The following COLEC10 variants were observed in gnomAD, a reference collection of about 807,000 sequenced individuals.
COLEC10 encodes the protein collectin subfamily member 10, also known as collectin-10.
A neutral mutation model predicts 28.4 loss-of-function variants in COLEC10; 22 were observed. The observed-to-expected ratio is 0.78, with a 90% CI of 0.55 to 1.11. The LOEUF is 1.11. Ranked by LOEUF, COLEC10 falls within the 50% of genes least tolerant of loss-of-function variation. The probability of loss-of-function intolerance (pLI) is 0.00; values close to 1 mark genes in which losing one functional copy is unlikely to be tolerated. For missense variants in COLEC10, 361 were observed against 344.1 expected, an observed-to-expected ratio of 1.05 and a Z score of -0.39; for synonymous variants, 125 against 116.1, an observed-to-expected ratio of 1.08 and a Z score of -0.49.
the COLEC10 span, among the ~76,000 whole-genome samples, chr8:118,963,527 G>A: frequency 1.3e-3 from 194 of 152,188 alleles, no homozygotes; most frequent in African/African-American, 4.4e-3. Flanking sequence ...ATCATCTAAC[G>A]TGAAATATCC....
At chr8:119,104,824 C>T (rs746700231) in intron 5 of COLEC10, among the ~76,000 whole-genome samples, 1 of 152,074 alleles carries the variant, frequency 6.6e-6, no homozygotes, top group African/African-American at 2.4e-5. Context: ...ATGAATAAGC[C>T]AGATCATACA....
At chr8:119,018,563 T>C (rs1484216520) in intron 2 of COLEC10, among the ~76,000 whole-genome samples, 1 of 152,220 alleles carries the variant, frequency 6.6e-6, no homozygotes, top group African/African-American at 2.4e-5. Context: ...CTTTTGCCAA[T>C]GGAAATCCTA....
Position 119,089,765 on chromosome 8 carries a change from T to C in COLEC10, c.220+14T>C, listed in dbSNP as rs1275728848. 2 of 1,602,046 alleles carry C rather than the reference T, an allele frequency of 1.2e-6. No homozygotes were observed. Among genetic ancestry groups the C allele is most frequent in the Non-Finnish European group, 1.7e-6 (2 of 1,169,434 alleles). On this transcript the variant is annotated intron_variant, in intron 2 of 5. Coordinates refer to ENST00000332843, the MANE Select transcript of COLEC10 (RefSeq NM_006438.5). ...TGGGGCCGAAAGGTAACTAAAATGATGTGAAACTGACATTTTAATATCATA... is the reference window on the plus strand; with the variant it reads ...TGGGGCCGAAAGGTAACTAAAATGACGTGAAACTGACATTTTAATATCATA...
intron 2 of COLEC10, among the ~76,000 whole-genome samples, chr8:119,026,899 G>A (rs996832806): frequency 9.9e-5 from 15 of 152,126 alleles, no homozygotes; most frequent in African/African-American, 3.4e-4. Flanking sequence ...CCTGGGAAGG[G>A]GAGCATGACT....
At chr8:119,014,885 T>C (rs1031363226) in intron 2 of COLEC10, among the ~76,000 whole-genome samples, 3 of 151,254 alleles carry the variant, frequency 2.0e-5, no homozygotes, top group Admixed American at 1.3e-4. Flanking sequence ...TCTTCATTTA[T>C]GTTACAACAT....
At chr8:119,060,894 C>T (rs1814844056) in intron 2 of COLEC10, among the ~76,000 whole-genome samples, 1 of 151,880 alleles carries the variant, frequency 6.6e-6, no homozygotes, top group Non-Finnish European at 1.5e-5. Context: ...AAGTCAATAA[C>T]AAGAAATATA....
the COLEC10 span, among the ~76,000 whole-genome samples, chr8:118,977,110 G>T: frequency 2.1e-4 from 31 of 149,946 alleles, no homozygotes; most frequent in African/African-American, 3.4e-4. Context: ...ACAGGTGCTG[G>T]AGAGGATGTG....
intron 1 of COLEC10, among the ~76,000 whole-genome samples, chr8:119,078,156 G>C (rs753495391): frequency 2.0e-5 from 3 of 152,190 alleles, no homozygotes; most frequent in African/African-American, 4.8e-5. Context: ...CAACAAGGGG[G>C]ATTACATTTC....
At chr8:119,071,462 G>A (rs1485294) in intron 1 of COLEC10, among the ~76,000 whole-genome samples, 11 of 151,914 alleles carry the variant, frequency 7.2e-5, no homozygotes, top group South Asian at 2.1e-4. Flanking sequence ...GACTCAGGAC[G>A]TTGGCTCTTG....
At chr8:119,037,673 A>G (rs911089668) in intron 2 of COLEC10, among the ~76,000 whole-genome samples, 1 of 152,194 alleles carries the variant, frequency 6.6e-6, no homozygotes, top group Non-Finnish European at 1.5e-5. Flanking sequence ...ATGACCTTCT[A>G]GTCTATGGGA....
At chr8:119,093,236 G>A (rs537857553) in intron 3 of COLEC10, among the ~76,000 whole-genome samples, 1 of 152,306 alleles carries the variant, frequency 6.6e-6, no homozygotes, top group Admixed American at 6.5e-5. Flanking sequence ...ACTGTGGTCT[G>A]AGCTTAGGCT....
At chr8:119,047,554 A>G (rs532694888) in intron 2 of COLEC10, among the ~76,000 whole-genome samples, 1 of 152,240 alleles carries the variant, frequency 6.6e-6, no homozygotes, top group South Asian at 2.1e-4. Flanking sequence ...CACAAAGACT[A>G]AAGATGAAAA....
intron 2 of COLEC10, among the ~76,000 whole-genome samples, chr8:119,009,837 G>C (rs959908897): frequency 2.0e-5 from 2 of 100,528 alleles, no homozygotes; most frequent in Non-Finnish European, 3.8e-5. Context: ...TGAAAGCTCA[G>C]CTCTTTTTTT....
the COLEC10 span, among the ~76,000 whole-genome samples, chr8:118,963,346 C>T: frequency 5.3e-5 from 8 of 152,184 alleles, no homozygotes; most frequent in African/African-American, 1.7e-4. Flanking sequence ...ACTAGTGTTA[C>T]TACGTAACAT....
At chr8:118,989,565 ACACACACACACACC>A in the COLEC10 span, among the ~76,000 whole-genome samples, 2 of 149,516 alleles carry the variant, frequency 1.3e-5, no homozygotes, top group African/African-American at 5.0e-5. Context: ...ACACACACAC[ACACACACACACACC>A]CCTACCTACC....
upstream of COLEC10, among the ~76,000 whole-genome samples, chr8:119,064,218 G>T (rs1814909999): frequency 6.6e-6 from 1 of 151,958 alleles, no homozygotes; most frequent in African/African-American, 2.4e-5. Context: ...TAAAATATGT[G>T]AATTCTCTGT....
chr8:118,966,142 A>G, the COLEC10 span, among the ~76,000 whole-genome samples: 2 of 152,126 alleles, frequency 1.3e-5, no homozygotes, highest in Non-Finnish European at 2.9e-5. Context: ...TTTTAATGGA[A>G]ACAATAGAGT....
At chr8:119,058,713 C>T (rs1198968896) in intron 2 of COLEC10, among the ~76,000 whole-genome samples, 1 of 152,010 alleles carries the variant, frequency 6.6e-6, no homozygotes, top group Non-Finnish European at 1.5e-5. Context: ...ATGAATGATG[C>T]TGTTATGAAC....
chr8:119,027,261 A>T (rs185260477), intron 2 of COLEC10, among the ~76,000 whole-genome samples: 1 of 152,294 alleles, frequency 6.6e-6, no homozygotes, highest in East Asian at 1.9e-4. Context: ...TTTAACCTAT[A>T]TCAAAAGATA....
Sources: allele counts gnomAD v4.1 joint callset (sites outside exome capture counted in the v4.1 genomes callset), GRCh38; gene constraint gnomAD v4.1.1; transcripts MANE v1.5; gene names NCBI Gene and HGNC (gene_info 2026-07-23, HGNC 2026-07-21).